Variants in SGCZ observed in about 807,000 individuals in gnomAD.
SGCZ encodes the protein sarcoglycan zeta.
Under a neutral mutation model 41.3 loss-of-function variants are expected in SGCZ, and 40 were observed. That is an observed-to-expected ratio of 0.97 (90% CI 0.75 to 1.26). The LOEUF is 1.26. Among genes scored for constraint, SGCZ ranks in the 50% most tolerant of loss-of-function variants. The probability of loss-of-function intolerance (pLI) is 0.00; values close to 1 mark genes in which losing one functional copy is unlikely to be tolerated. For missense variants in SGCZ, 552 were observed against 369.8 expected, an observed-to-expected ratio of 1.49 and a Z score of -4.04; for synonymous variants, 206 against 137.5, an observed-to-expected ratio of 1.50 and a Z score of -3.49.
intron 1 of SGCZ, among the ~76,000 whole-genome samples, chr8:15,013,801 A>G (rs374775864): frequency 3.9e-4 from 60 of 152,314 alleles, no homozygotes; most frequent in African/African-American, 1.4e-3. Context: ...AAAAACACAC[A>G]TACATTTTAC....
In SGCZ at chr8:15,107,772, T is replaced by A. The variant is rs975619601; in HGVS notation, c.39+129813A>T. Among the ~76,000 whole-genome samples, 4 of 152,310 alleles carry A rather than the reference T, an allele frequency of 2.6e-5. No individual in the cohort carries two copies. In the East Asian group the frequency reaches 7.7e-4, roughly 29 times the overall value. Reference sequence around the variant, plus strand: ...GTTTGTAGAGAGTTCACTTCTGAAATCATTGGCCTAGCACTCTTTGGAGAT... The same window carrying A: ...GTTTGTAGAGAGTTCACTTCTGAAAACATTGGCCTAGCACTCTTTGGAGAT... On this transcript the variant is annotated intron_variant, in intron 1 of 7. Transcript: ENST00000382080.
intron 1 of SGCZ, among the ~76,000 whole-genome samples, chr8:14,770,658 C>G (rs549072603): frequency 6.6e-6 from 1 of 152,060 alleles, no homozygotes; most frequent in African/African-American, 2.4e-5. Flanking sequence ...TATGTATTTA[C>G]TCATTCAGTA....
intron 5 of SGCZ, among the ~76,000 whole-genome samples, chr8:14,157,047 C>T (rs1474363770): frequency 6.6e-6 from 1 of 152,032 alleles, no homozygotes; most frequent in African/African-American, 2.4e-5. Flanking sequence ...ATGTACTGTG[C>T]ATAACTGTAT....
chr8:14,629,681 A>G (rs1806582282), intron 1 of SGCZ, among the ~76,000 whole-genome samples: 1 of 152,040 alleles, frequency 6.6e-6, no homozygotes, highest in South Asian at 2.1e-4. Context: ...ATCCTTGTCT[A>G]TGGAATGCTT....
intron 1 of SGCZ, among the ~76,000 whole-genome samples, chr8:15,016,513 G>T (rs1563439803): frequency 6.6e-6 from 1 of 152,162 alleles, no homozygotes; most frequent in Non-Finnish European, 1.5e-5. Context: ...AAAGAATAAA[G>T]CGACTTCTTC....
At chr8:14,548,125 G>A (rs989218197) in intron 2 of SGCZ, among the ~76,000 whole-genome samples, 1 of 152,114 alleles carries the variant, frequency 6.6e-6, no homozygotes. Context: ...ACATCAGCCT[G>A]ATGAAATAGA....
chr8:15,207,127 GAAA>G (rs1801093858), intron 1 of SGCZ, among the ~76,000 whole-genome samples: 1 of 152,196 alleles, frequency 6.6e-6, no homozygotes, highest in Non-Finnish European at 1.5e-5. Flanking sequence ...TGGAATCACT[GAAA>G]TATACAGGGA....
intron 2 of SGCZ, among the ~76,000 whole-genome samples, chr8:14,396,014 T>C (rs1388915703): frequency 6.6e-6 from 1 of 152,186 alleles, no homozygotes; most frequent in East Asian, 1.9e-4. Flanking sequence ...TGTGCGTTTA[T>C]GATCGGAGAG....
chr8:15,117,548 T>C (rs1031211164), intron 1 of SGCZ, among the ~76,000 whole-genome samples: 1 of 152,160 alleles, frequency 6.6e-6, no homozygotes, highest in African/African-American at 2.4e-5. Context: ...CTGTGTGATA[T>C]TGAGCAGGTC....
intron 1 of SGCZ, among the ~76,000 whole-genome samples, chr8:14,885,049 T>A (rs1254832190): frequency 1.3e-5 from 2 of 152,184 alleles, no homozygotes; most frequent in African/African-American, 2.4e-5. Flanking sequence ...TTTATTTCTG[T>A]TTTCAAATGT....
chr8:15,235,927 G>A (rs1802104333), intron 1 of SGCZ, among the ~76,000 whole-genome samples: 1 of 152,214 alleles, frequency 6.6e-6, no homozygotes, highest in South Asian at 2.1e-4. Flanking sequence ...AGACTGGGAT[G>A]CTTGGGAAAG....
chr8:14,390,401 T>C (rs758590348), intron 2 of SGCZ, among the ~76,000 whole-genome samples: 13 of 151,804 alleles, frequency 8.6e-5, no homozygotes, highest in Non-Finnish European at 1.8e-4. Context: ...TAAGAAAAAA[T>C]CATGTTTAGA....
intron 2 of SGCZ, among the ~76,000 whole-genome samples, chr8:14,368,046 A>G (rs1803775503): frequency 1.3e-5 from 2 of 152,064 alleles, no homozygotes; most frequent in South Asian, 4.1e-4. Flanking sequence ...AGAATTATAT[A>G]ATTGTCAAGG....
chr8:14,675,040 G>A (rs759480912), intron 1 of SGCZ, among the ~76,000 whole-genome samples: 10 of 136,144 alleles, frequency 7.3e-5, no homozygotes, highest in African/African-American at 1.1e-4. Flanking sequence ...CCGGGTTCAC[G>A]CCATTCTCCT....
rs979135423 is a variant in SGCZ at position 15,105,888 on chromosome 8, A to G, written c.39+131697T>C. ...AGTAGGAGACAAGCATATAGCAACA[A>G]CAGCTTTTTGCCAAAAGAGCCAATT... On this transcript the variant is annotated intron_variant, in intron 1 of 7. Transcript: ENST00000382080. Among the ~76,000 whole-genome samples the G allele has an allele frequency of 2.0e-5, 3 of 152,048 alleles. No homozygotes were observed. In the East Asian group the frequency reaches 5.8e-4, roughly 30 times the overall value.
At chr8:15,159,665 G>A (rs1302169168) in intron 1 of SGCZ, among the ~76,000 whole-genome samples, 4 of 151,490 alleles carry the variant, frequency 2.6e-5, no homozygotes, top group Non-Finnish European at 1.5e-5. Flanking sequence ...TGTGAGTGGT[G>A]TGAGAACAGA....
At chr8:14,609,155 A>G (rs911148403) in intron 1 of SGCZ, among the ~76,000 whole-genome samples, 3 of 152,192 alleles carry the variant, frequency 2.0e-5, no homozygotes, top group African/African-American at 7.2e-5. Context: ...GGTTGTCTTT[A>G]GCTAAACATA....
At chr8:14,679,099 G>C (rs1808362580) in intron 1 of SGCZ, among the ~76,000 whole-genome samples, 1 of 152,252 alleles carries the variant, frequency 6.6e-6, no homozygotes, top group South Asian at 2.1e-4. Context: ...TGGCACATGT[G>C]TTTGAGGTAG....
At position 14,614,458 on chromosome 8, in the gene SGCZ, G is replaced by T. The variant is rs958934448; in HGVS notation, c.40-59532C>A. On this transcript the variant is annotated intron_variant, in intron 1 of 7. Transcript: ENST00000382080. Reference sequence around the variant, plus strand: ...ATGCATTAACAGGGTACACATGATTGTATTTTTCTATTTATCTCTATATCA... The same window carrying T: ...ATGCATTAACAGGGTACACATGATTTTATTTTTCTATTTATCTCTATATCA... Among the ~76,000 whole-genome samples, 33 of 152,204 alleles carry T rather than the reference G, an allele frequency of 2.2e-4. 1 individual carries two copies. In the South Asian group the frequency reaches 4.1e-3, roughly 19 times the overall value.
Sources: allele counts gnomAD v4.1 joint callset (sites outside exome capture counted in the v4.1 genomes callset), GRCh38; gene constraint gnomAD v4.1.1; transcripts MANE v1.5; gene names NCBI Gene and HGNC (gene_info 2026-07-23, HGNC 2026-07-21).